EHMT1: variants seen among roughly 807,000 people sequenced by gnomAD.
EHMT1 encodes euchromatic histone lysine methyltransferase 1, also known as histone-lysine N-methyltransferase EHMT1.
In EHMT1, 15 loss-of-function variants were observed where a neutral mutation model predicts 147.2. That is an observed-to-expected ratio of 0.10 (90% CI 0.07 to 0.16). The LOEUF (loss-of-function observed/expected upper bound fraction) is 0.16, where lower values mean the gene tolerates loss of function less well. EHMT1 is among the 10% of genes least tolerant of loss of function. The pLI, the probability that EHMT1 is intolerant of heterozygous loss-of-function variation, is 1.00. For synonymous variants in EHMT1, 795 were observed against 709.6 expected (o/e 1.12, Z -1.91); for missense variants, 1,587 against 1,772.4 (o/e 0.90, Z 1.88).
intron 21 of EHMT1, 58 bp from the exon 22 acceptor site, chr9:137,814,373 G>T: frequency 1.3e-6 from 2 of 1,565,306 alleles, no homozygotes; most frequent in African/African-American, 2.7e-5. Flanking sequence ...TTGTGACTGG[G>T]AGGGGAAATG....
Position 137,811,630 on chromosome 9 carries a change from TC to T in EHMT1, c.2867+20del. ...GACTGTGTCGTGTGAGTGCAGTGCTTCCCCCAGCGCGGGCTGGCGCTGACCT... is the reference window on the plus strand; with the variant it reads ...GACTGTGTCGTGTGAGTGCAGTGCTTCCCCAGCGCGGGCTGGCGCTGACCT... On this transcript the variant is annotated intron_variant, in intron 19 of 26. Coordinates refer to ENST00000460843, the MANE Select transcript of EHMT1 (RefSeq NM_024757.5). 1 of 1,599,626 alleles carries T rather than the reference TC, an allele frequency of 6.3e-7. No homozygotes were observed. The highest frequency in any genetic ancestry group is 1.1e-5 in the South Asian group (1 of 91,060).
In EHMT1 at chr9:137,813,435, G is replaced by T; in HGVS notation, c.3085G>T (p.Val1029Leu). 1 of 1,613,666 alleles carries T rather than the reference G, an allele frequency of 6.2e-7. No individual in the cohort carries two copies. The highest frequency in any genetic ancestry group is 8.5e-7 in the Non-Finnish European group (1 of 1,179,910). ...ERIPIPCVNA[V>L]DSEPCPSNYK... ...CATCCCCATCCCCTGTGTCAACGCC[G>T]TGGACAGCGAGCCATGCCCCAGCAA... The change falls in exon 21 of 27, where the codon GTG (valine) becomes TTG (leucine). Residue 1029 changes from valine to leucine, a missense_variant. This residue lies in a region of EHMT1 where 156 missense variants were observed against 252.5 expected (regional missense o/e 0.62). Coordinates refer to ENST00000460843, the MANE Select transcript of EHMT1 (RefSeq NM_024757.5). This position sits in a 1 kb window ranked among gnomAD's most constrained non-coding sequence, Gnocchi z 4.9.
chr9:137,752,766 G>A (rs1424919329), intron 7 of EHMT1, among the ~76,000 whole-genome samples: 2 of 152,282 alleles, frequency 1.3e-5, no homozygotes, highest in Admixed American at 6.5e-5. Context: ...GAGAAGGAAG[G>A]GCTGGATTTG....
chr9:137,717,599 C>T (rs1234060879), intron 3 of EHMT1, among the ~76,000 whole-genome samples: 2 of 121,896 alleles, frequency 1.6e-5, no homozygotes, highest in African/African-American at 6.7e-5. Flanking sequence ...GAGTGAGACC[C>T]TGTCTCAAAA....
At chr9:137,795,432 C>CACATACACTCACAT (rs61017523) in intron 16 of EHMT1, among the ~76,000 whole-genome samples, 5 of 131,570 alleles carry the variant, frequency 3.8e-5, no homozygotes, top group Admixed American at 3.4e-4. Flanking sequence ...CACACACTCT[C>CACATACACTCACAT]ACACTCACAT....
At chr9:137,719,111 A>G (rs1332822163) in intron 3 of EHMT1, among the ~76,000 whole-genome samples, 4 of 152,162 alleles carry the variant, frequency 2.6e-5, no homozygotes, top group African/African-American at 9.7e-5. Flanking sequence ...CTTTCAAAAG[A>G]CGGTGATTAT....
At chr9:137,628,358 G>A (rs1296434432) in intron 1 of EHMT1, among the ~76,000 whole-genome samples, 1 of 152,024 alleles carries the variant, frequency 6.6e-6, no homozygotes, top group African/African-American at 2.4e-5. Flanking sequence ...TCTTGTCTTT[G>A]ATTGATTTTT....
In EHMT1 at chr9:137,819,585, CGCCGTGT is replaced by C. The variant is rs1955224705; in HGVS notation, c.3540+1448_3540+1454del. ...GACCGTAGAGAGGCCGACTGAGGGG[CGCCGTGT>C]ACCGAGACTGTAGAGAGGCCGATTG... On this transcript the variant is annotated intron_variant, in intron 25 of 26. Transcript: ENST00000460843. 5.6e-5 allele frequency among the ~76,000 whole-genome samples: 6 copies of C among 106,872 alleles called. No homozygotes were observed. The South Asian group carries it at 1.4e-3, about 25-fold the overall frequency. The allele number at this position is 106,872 out of a possible 152,430, so 70.1% of individuals were successfully genotyped here.
chr9:137,737,369 GT>G, intron 4 of EHMT1, among the ~76,000 whole-genome samples: 1 of 152,324 alleles, frequency 6.6e-6, no homozygotes, highest in South Asian at 2.1e-4. Flanking sequence ...TATATGATCA[GT>G]TGATTTTTGA....
intron 1 of EHMT1, among the ~76,000 whole-genome samples, chr9:137,654,621 T>A (rs1244286403): frequency 6.6e-6 from 1 of 152,186 alleles, no homozygotes; most frequent in Non-Finnish European, 1.5e-5. Flanking sequence ...ATATGAATTT[T>A]AGGTCATCCT....
At chr9:137,632,505 G>A (rs1399157697) in intron 1 of EHMT1, among the ~76,000 whole-genome samples, 2 of 152,162 alleles carry the variant, frequency 1.3e-5, no homozygotes, top group East Asian at 1.9e-4. Flanking sequence ...CTGGGCTCGA[G>A]CAGTCCTCCC....
chr9:137,619,708 T>A (rs1363551333), intron 1 of EHMT1, among the ~76,000 whole-genome samples: 1 of 152,094 alleles, frequency 6.6e-6, no homozygotes, highest in African/African-American at 2.4e-5. Context: ...GGGCTCTCGA[T>A]GTAAAAAGTT....
intron 14 of EHMT1, among the ~76,000 whole-genome samples, chr9:137,780,696 G>A (rs1156881114): frequency 2.4e-5 from 2 of 85,084 alleles, no homozygotes; most frequent in Admixed American, 1.2e-4. Flanking sequence ...TGGTGATGAC[G>A]CCGAGACGTG....
chr9:137,714,531 T>C (rs1945026658), intron 2 of EHMT1, among the ~76,000 whole-genome samples: 1 of 150,312 alleles, frequency 6.7e-6, no homozygotes, highest in Non-Finnish European at 1.5e-5. Flanking sequence ...TGTTGGGGGG[T>C]GCGGAGCTGG....
At chr9:137,641,664 C>T (rs184899518) in intron 1 of EHMT1, 88 of 209,818 alleles carry the variant, frequency 4.2e-4, no homozygotes, top group Admixed American at 6.5e-4. Flanking sequence ...GCTTGGTTGC[C>T]GCTTGTTCTG....
At chr9:137,821,300 T>C (rs929249760) in intron 25 of EHMT1, among the ~76,000 whole-genome samples, 3 of 146,106 alleles carry the variant, frequency 2.1e-5, no homozygotes, top group African/African-American at 7.7e-5. Flanking sequence ...ATTACAGGCA[T>C]GAGCCACTGC....
At chr9:137,727,981 A>G (rs892245561) in intron 3 of EHMT1, among the ~76,000 whole-genome samples, 9 of 152,214 alleles carry the variant, frequency 5.9e-5, no homozygotes, top group African/African-American at 2.2e-4. Flanking sequence ...TGTATTATCT[A>G]AGTCAGGGGT....
intron 8 of EHMT1, among the ~76,000 whole-genome samples, chr9:137,754,534 AC>A (rs1208550339): frequency 6.6e-6 from 1 of 151,198 alleles, no homozygotes; most frequent in African/African-American, 2.4e-5. Flanking sequence ...TTTTTTTGAG[AC>A]AGGATCTGGT....
At chr9:137,814,805 G>C (rs1954790788) in intron 22 of EHMT1, 2 of 562,976 alleles carry the variant, frequency 3.6e-6, no homozygotes, top group South Asian at 4.0e-5. Flanking sequence ...AGGAGGTGCT[G>C]CTTATGTTGT....
Sources: allele counts gnomAD v4.1 joint callset (sites outside exome capture counted in the v4.1 genomes callset), GRCh38; gene constraint gnomAD v4.1.1; regional missense constraint gnomAD v4.1.1; non-coding constraint Gnocchi (gnomAD v3.1); transcripts MANE v1.5; gene names NCBI Gene and HGNC (gene_info 2026-07-23, HGNC 2026-07-21).